The following CHEK1 variants were observed in gnomAD, a reference collection of about 807,000 sequenced individuals.
The protein encoded by CHEK1 is checkpoint kinase 1, also known as serine/threonine-protein kinase Chk1.
CHEK1 carries 32 observed loss-of-function variants against 60.2 expected under a neutral mutation model. That is an observed-to-expected ratio of 0.53 (90% CI 0.40 to 0.71). CHEK1 has a LOEUF of 0.71. Among genes scored for constraint, CHEK1 ranks in the 30% least tolerant of loss-of-function variants. CHEK1 has a pLI of 0.00. For missense variants in CHEK1, 399 were observed against 564.6 expected (o/e 0.71, Z 2.97); for synonymous variants, 179 against 187.2 (o/e 0.96, Z 0.36).
intron 11 of CHEK1, among the ~76,000 whole-genome samples, chr11:125,645,689 C>T (rs1941476281): frequency 6.6e-6 from 1 of 151,714 alleles, no homozygotes; most frequent in African/African-American, 2.4e-5. Context: ...GAACAAGTGT[C>T]AAAGCAAAGT....
chr11:125,652,613 T>G (rs556500714), intron 11 of CHEK1, among the ~76,000 whole-genome samples: 1 of 152,178 alleles, frequency 6.6e-6, no homozygotes, highest in Non-Finnish European at 1.5e-5. Flanking sequence ...ACATACCCAC[T>G]GGGAGAAGAG....
At position 125,633,326 on chromosome 11, in the gene CHEK1, A is replaced by G; in HGVS notation, c.588A>G (p.Ile196Met). 6.3e-7 allele frequency: 1 copy of G among 1,580,842 alleles called. No homozygotes were observed. Among genetic ancestry groups the G allele is most frequent in the South Asian group, 1.2e-5 (1 of 83,874 alleles). Reference protein sequence around the residue: ...AEPVDVWSCGIVLTAMLAGEL... With the variant: ...AEPVDVWSCGMVLTAMLAGEL... ...CAGTTGATGTTTGGTCCTGTGGAAT[A>G]GTACTTACTGCAATGCTCGCTGGAG... Residue 196 changes from isoleucine to methionine, a missense_variant, in exon 6 of 13, where the codon ATA becomes ATG. Around this residue, in one of 2 missense-constraint regions of CHEK1, gnomAD observed 370 missense variants for 494.8 expected, o/e 0.75. Coordinates refer to ENST00000438015, the MANE Select transcript of CHEK1 (RefSeq NM_001114122.3).
At chr11:125,626,709 C>A in intron 1 of CHEK1, 40 bp from the exon 2 acceptor site, 1 of 1,596,850 alleles carries the variant, frequency 6.3e-7, no homozygotes. Context: ...CACTGGTGAT[C>A]TTACACTCTA....
At chr11:125,667,087 CAGTG>C (rs916351014) in intron 13 of CHEK1, among the ~76,000 whole-genome samples, 1 of 151,954 alleles carries the variant, frequency 6.6e-6, no homozygotes, top group South Asian at 2.1e-4. Context: ...CTTGGGGTCC[CAGTG>C]ATCCTGTTAC....
At chr11:125,675,540 C>T (rs17141326) in intron 13 of CHEK1, among the ~76,000 whole-genome samples, 17,387 of 152,104 alleles carry the variant, frequency 0.11, 1,219 homozygotes, top group Admixed American at 0.23. Context: ...AGTGTGGTTC[C>T]TGGGATGGAA....
chr11:125,661,301 T>G (rs527453877), downstream of CHEK1, among the ~76,000 whole-genome samples: 3 of 151,978 alleles, frequency 2.0e-5, no homozygotes, highest in East Asian at 5.8e-4. Context: ...CCTTAAAAAA[T>G]TTTTTTTCTT....
chr11:125,680,761 A>T, downstream of CHEK1: 1 of 1,613,900 alleles, frequency 6.2e-7, no homozygotes, highest in Non-Finnish European at 8.5e-7. Context: ...AAGACTCATT[A>T]GCAAGAGAAA....
intron 13 of CHEK1, among the ~76,000 whole-genome samples, chr11:125,670,139 CA>C (rs1335707655): frequency 6.6e-6 from 1 of 152,192 alleles, no homozygotes; most frequent in Non-Finnish European, 1.5e-5. Flanking sequence ...GGATTTTTCT[CA>C]ATTATTGCAC....
At chr11:125,630,298 C>T (rs1940812954) in intron 5 of CHEK1, among the ~76,000 whole-genome samples, 1 of 150,370 alleles carries the variant, frequency 6.7e-6, no homozygotes, top group African/African-American at 2.4e-5. Flanking sequence ...TAGAATAGTG[C>T]TTAACAAATG....
intron 5 of CHEK1, among the ~76,000 whole-genome samples, chr11:125,630,817 A>G (rs1437293054): frequency 6.6e-6 from 1 of 152,182 alleles, no homozygotes; most frequent in Non-Finnish European, 1.5e-5. Context: ...AAGAATGCTC[A>G]CAGTGGTGAT....
At position 125,625,418 on chromosome 11, in the gene CHEK1, G is replaced by C. The variant is rs1940541649; in HGVS notation, c.-615G>C. 1 of 287,594 alleles carries C rather than the reference G, an allele frequency of 3.5e-6. No individual in the cohort carries two copies. 17.8% of individuals were successfully genotyped at this position (287,594 alleles called of 1,614,324 possible). On this transcript the variant is annotated 5_prime_UTR_variant, in exon 1 of 13. Coordinates refer to ENST00000438015, the MANE Select transcript of CHEK1 (RefSeq NM_001114122.3). ...TTTCGAAGCCTCTCGCTCCCAACAC[G>C]GAGTTCCTCCCATTTCTTCACAGTC... is the stretch of plus-strand genomic sequence containing the variant.
Position 125,627,686 on chromosome 11 carries a change from C to A in CHEK1, c.145C>A (p.Pro49Thr), listed in dbSNP as rs1940678451. The A allele has an allele frequency of 6.2e-7, 1 of 1,613,612 alleles. No homozygotes were observed. The highest frequency in any genetic ancestry group is 8.5e-7 in the Non-Finnish European group (1 of 1,179,846). ...AGATATGAAGCGTGCCGTAGACTGT[C>A]CAGAAAATATTAAGAAAGAGATCTG... ...IVDMKRAVDC[P>T]ENIKKEICIN... Residue 49 changes from proline to threonine, a missense_variant, in exon 3 of 13, where the codon CCA (proline) becomes ACA (threonine). Pro to Thr is a conservative substitution (Grantham distance 38). Around this residue, in one of 2 missense-constraint regions of CHEK1, gnomAD observed 370 missense variants for 494.8 expected, o/e 0.75. Coordinates refer to ENST00000438015, the MANE Select transcript of CHEK1 (RefSeq NM_001114122.3).
At chr11:125,640,516 T>C (rs1281719575) in intron 8 of CHEK1, among the ~76,000 whole-genome samples, 2 of 144,712 alleles carry the variant, frequency 1.4e-5, no homozygotes, top group African/African-American at 2.6e-5. Context: ...CACTCCAGCC[T>C]GGGCAACAGC....
intron 7 of CHEK1, among the ~76,000 whole-genome samples, chr11:125,637,234 A>G (rs1188513892): frequency 6.6e-6 from 1 of 152,190 alleles, no homozygotes; most frequent in African/African-American, 2.4e-5. Context: ...GTTGCAAACA[A>G]TTGAGAATCA....
rs1941028246 is a variant in CHEK1, at chr11:125,635,355, T to C, written c.614-74T>C. The C allele has an allele frequency of 3.2e-6, 3 of 947,638 alleles. No homozygotes were observed. In the East Asian group the frequency reaches 8.5e-5, roughly 27 times the overall value. The allele number at this position is 947,638 out of a possible 1,614,324, so 58.7% of individuals were successfully genotyped here. ...TAATTCAAAGGAAACTTTTCATGGA[T>C]TTATATTATTATTTTTCCTTGAAAT... On this transcript the variant is annotated intron_variant, in intron 6 of 12. Coordinates refer to ENST00000438015, the MANE Select transcript of CHEK1 (RefSeq NM_001114122.3).
chr11:125,663,334 A>C (rs1942050019), intron 13 of CHEK1, among the ~76,000 whole-genome samples: 1 of 152,096 alleles, frequency 6.6e-6, no homozygotes, highest in South Asian at 2.1e-4. Context: ...TTAAATTTTG[A>C]CAGTTTAAGA....
chr11:125,626,263 C>T, intron 1 of CHEK1: 2 of 527,336 alleles, frequency 3.8e-6, no homozygotes, highest in South Asian at 2.7e-5. Flanking sequence ...CCCTTCCTTT[C>T]GCCTCTGGGG....
intron 13 of CHEK1, among the ~76,000 whole-genome samples, chr11:125,664,547 A>T (rs922156283): frequency 2.0e-5 from 3 of 152,092 alleles, no homozygotes; most frequent in African/African-American, 7.2e-5. Context: ...ACATTTTTTC[A>T]TATACCTATT....
At chr11:125,649,370 A>T (rs1941623094) in intron 11 of CHEK1, among the ~76,000 whole-genome samples, 1 of 151,446 alleles carries the variant, frequency 6.6e-6, no homozygotes, top group Non-Finnish European at 1.5e-5. Context: ...TCTTTTGGTT[A>T]TTGTTTCCAT....
Sources: gnomAD v4.1 joint callset for allele counts (sites outside exome capture counted in the v4.1 genomes callset) on GRCh38, gnomAD v4.1.1 for gene constraint, gnomAD v4.1.1 regional missense constraint, MANE v1.5 for transcripts, NCBI Gene and HGNC (gene_info 2026-07-23, HGNC 2026-07-21) for gene names.